Variants in TMEM131 observed in about 807,000 individuals in gnomAD.
TMEM131 encodes the protein transmembrane protein 131, also known as 2610524E03Rik.
Under a neutral mutation model 211.6 loss-of-function variants are expected in TMEM131, and 66 were observed. The observed-to-expected ratio is 0.31, with a 90% confidence interval of 0.26 to 0.38. The LOEUF (loss-of-function observed/expected upper bound fraction) is 0.38. TMEM131 is among the 10% of genes least tolerant of loss of function. TMEM131 has a pLI of 1.00. For synonymous variants in TMEM131, 844 were observed against 841.3 expected (o/e 1.00, Z -0.06); for missense variants, 2,036 against 2,299.3 (o/e 0.89, Z 2.34).
intron 1 of TMEM131, among the ~76,000 whole-genome samples, chr2:97,968,803 G>A (rs114673995): frequency 0.027 from 4,179 of 152,172 alleles, 65 homozygotes; most frequent in Middle Eastern, 0.062. Context: ...AGGATATCGG[G>A]CAGGCGCACT....
At chr2:97,943,834 A>G (rs1559465325) in intron 1 of TMEM131, among the ~76,000 whole-genome samples, 2 of 152,208 alleles carry the variant, frequency 1.3e-5, no homozygotes, top group Non-Finnish European at 2.9e-5. Context: ...CTGTAATTCC[A>G]GCACTTTGGG....
rs544699399 is a variant in TMEM131, at chr2:97,811,193, T to G, written c.1903A>C (p.Lys635Gln). 4.1e-5 allele frequency: 66 copies of G among 1,613,788 alleles called. No individual in the cohort carries two copies. The South Asian group carries it at 7.2e-4, about 18-fold the overall frequency. Residue 635 changes from lysine (K) to glutamine (Q), a missense_variant, in exon 18 of 41, where the codon AAA becomes CAA. This residue lies in a region of TMEM131 where 1,623 missense variants were observed against 1,805.9 expected (regional missense o/e 0.90). Transcript: ENST00000186436. ...ASGYFAVFRV[K>Q]LTAKKLEGIH... ...CCCTCTAATTTTTTTGCAGTAAGTT[T>G]GACTCTGAAGACTGCAAAATAGCCT...
chr2:97,877,806 C>T (rs1235530580), intron 4 of TMEM131, among the ~76,000 whole-genome samples: 6 of 152,180 alleles, frequency 3.9e-5, no homozygotes, highest in Admixed American at 3.3e-4. Flanking sequence ...GCAAAGACTT[C>T]ATGACTAAAA....
intron 1 of TMEM131, among the ~76,000 whole-genome samples, chr2:97,948,117 G>A (rs1171224555): frequency 6.6e-6 from 1 of 151,964 alleles, no homozygotes; most frequent in Non-Finnish European, 1.5e-5. Context: ...GTGATCTTGA[G>A]TTTGGCAAAG....
At chr2:97,761,039 G>T in intron 36 of TMEM131, 125 bp from the exon 37 acceptor site, 3 of 1,307,838 alleles carry the variant, frequency 2.3e-6, no homozygotes, top group Non-Finnish European at 1.1e-6. Flanking sequence ...ACAGAGCATC[G>T]CTCAGCCTCA....
intron 11 of TMEM131, among the ~76,000 whole-genome samples, chr2:97,832,124 C>T (rs1050666573): frequency 1.3e-5 from 2 of 151,310 alleles, no homozygotes; most frequent in Non-Finnish European, 2.9e-5. Flanking sequence ...TAGCATAGTG[C>T]CTGACCCAGT....
intron 2 of TMEM131, among the ~76,000 whole-genome samples, chr2:97,913,775 T>C (rs957668100): frequency 2.6e-5 from 4 of 152,164 alleles, no homozygotes; most frequent in African/African-American, 2.4e-5. Context: ...CTGCACACCC[T>C]AGAATTTAAG....
Position 97,791,008 on chromosome 2 carries a change from G to A in TMEM131, c.4144+1378C>T, listed in dbSNP as rs191120128. Among the ~76,000 whole-genome samples the A allele has an allele frequency of 1.1e-3, 161 of 152,254 alleles. 1 individual carries two copies. The highest frequency in any genetic ancestry group is 3.3e-3 in the African/African-American group (139 of 41,542). On this transcript the variant is annotated intron_variant, in intron 31 of 40. Coordinates refer to ENST00000186436, the MANE Select transcript of TMEM131 (RefSeq NM_015348.2). ...AGGGCTGCCAAGATCCCTGTTTTCC[G>A]TATAAATTGAAGCCCAAAACTCCTT... is the stretch of plus-strand genomic sequence containing the variant.
intron 3 of TMEM131, among the ~76,000 whole-genome samples, chr2:97,896,208 G>T (rs1675604916): frequency 6.6e-6 from 1 of 152,162 alleles, no homozygotes; most frequent in Non-Finnish European, 1.5e-5. Context: ...GTTCGAATTT[G>T]ATTGCACTGT....
intron 1 of TMEM131, among the ~76,000 whole-genome samples, chr2:97,953,142 T>C (rs574183847): frequency 2.9e-4 from 44 of 152,314 alleles, no homozygotes; most frequent in African/African-American, 1.0e-3. Flanking sequence ...TCCTTTTCCA[T>C]CAAGTTTCTT....
chr2:97,832,328 T>C (rs1490011943), intron 11 of TMEM131, among the ~76,000 whole-genome samples: 1 of 152,230 alleles, frequency 6.6e-6, no homozygotes. Flanking sequence ...TCAGTCCATT[T>C]ATTGTACGTA....
intron 19 of TMEM131, among the ~76,000 whole-genome samples, chr2:97,807,421 TAA>T (rs1681358292): frequency 6.6e-6 from 1 of 152,120 alleles, no homozygotes; most frequent in African/African-American, 2.4e-5. Flanking sequence ...CACTGGTTGT[TAA>T]AAAAGAGCCT....
chr2:97,917,877 C>T (rs1446760211), intron 2 of TMEM131, among the ~76,000 whole-genome samples: 3 of 152,040 alleles, frequency 2.0e-5, no homozygotes, highest in South Asian at 2.1e-4. Context: ...ACTCACATTT[C>T]GGCTTCCCTA....
At chr2:97,806,335 G>A (rs1173506663) in intron 19 of TMEM131, among the ~76,000 whole-genome samples, 2 of 152,148 alleles carry the variant, frequency 1.3e-5, no homozygotes, top group East Asian at 1.9e-4. Flanking sequence ...CCAGGAGTTC[G>A]AGACCAGCCA....
chr2:97,862,485 A>G (rs1674109776), intron 4 of TMEM131, among the ~76,000 whole-genome samples: 1 of 152,138 alleles, frequency 6.6e-6, no homozygotes, highest in Non-Finnish European at 1.5e-5. Flanking sequence ...ATTCAAGATA[A>G]CATAGAGAAG....
intron 4 of TMEM131, among the ~76,000 whole-genome samples, chr2:97,866,203 G>A (rs1286489278): frequency 6.6e-6 from 1 of 152,252 alleles, no homozygotes; most frequent in Non-Finnish European, 1.5e-5. Flanking sequence ...GTTTTTAAAT[G>A]ACTAATGCAA....
intron 19 of TMEM131, among the ~76,000 whole-genome samples, chr2:97,807,431 C>T (rs1389461562): frequency 6.6e-6 from 1 of 152,134 alleles, no homozygotes; most frequent in African/African-American, 2.4e-5. Context: ...TAAAAAAGAG[C>T]CTGGCACCTC....
At chr2:97,902,352 G>A (rs889500954) in intron 3 of TMEM131, among the ~76,000 whole-genome samples, 2 of 152,098 alleles carry the variant, frequency 1.3e-5, no homozygotes, top group Non-Finnish European at 2.9e-5. Context: ...TAATTTATCT[G>A]TATTCTAGGA....
intron 1 of TMEM131, among the ~76,000 whole-genome samples, chr2:97,938,238 T>C (rs571585786): frequency 6.6e-6 from 1 of 152,196 alleles, no homozygotes; most frequent in East Asian, 1.9e-4. Flanking sequence ...ACTGGCAAAT[T>C]GGATAAAGAG....
Sources: allele counts gnomAD v4.1 joint callset (sites outside exome capture counted in the v4.1 genomes callset), GRCh38; gene constraint gnomAD v4.1.1; regional missense constraint gnomAD v4.1.1; transcripts MANE v1.5; gene names NCBI Gene and HGNC (gene_info 2026-07-23, HGNC 2026-07-21).